JAK1: variants seen among roughly 807,000 people sequenced by gnomAD.
JAK1 encodes Janus kinase 1.
JAK1 carries 16 observed loss-of-function variants against 136.6 expected under a neutral mutation model. That is an observed-to-expected ratio of 0.12 (90% CI 0.08 to 0.18). JAK1 has a LOEUF of 0.18. Ranked by LOEUF, JAK1 falls within the 10% of genes least tolerant of loss-of-function variation. JAK1 has a pLI of 1.00. For synonymous variants in JAK1, 492 were observed against 519.5 expected (o/e 0.95, Z 0.72); for missense variants, 859 against 1,450.1 (o/e 0.59, Z 6.62).
At chr1:65,018,701 TAA>T (rs1646911763) in intron 2 of JAK1, among the ~76,000 whole-genome samples, 1 of 152,128 alleles carries the variant, frequency 6.6e-6, no homozygotes, top group Non-Finnish European at 1.5e-5. Context: ...ATGATTCTGC[TAA>T]GAGAGCATTT....
At chr1:65,021,940 G>T (rs573891295) in intron 2 of JAK1, among the ~76,000 whole-genome samples, 2 of 152,324 alleles carry the variant, frequency 1.3e-5, no homozygotes, top group South Asian at 4.2e-4. Context: ...TACTGGAGGA[G>T]TACAGCTGTG....
At position 64,844,981 on chromosome 1, in the gene JAK1, A is replaced by G. The variant is rs1655137154; in HGVS notation, c.2116-92T>C. On this transcript the variant is annotated intron_variant, in intron 15 of 24. Transcript: ENST00000342505. The surrounding 1 kb of genome is among the most constrained non-coding windows in gnomAD (Gnocchi z 5.7). ...CCTCAGGTCATCTCTTCCTACCCCC[A>G]GCTACAGCCAGATCTGGACAGCCTG... 2 of 1,539,658 alleles carry G rather than the reference A, an allele frequency of 1.3e-6. No individual in the cohort carries two copies. Among genetic ancestry groups the G allele is most frequent in the South Asian group, 2.4e-5 (2 of 83,836 alleles).
chr1:64,969,408 C>CG (rs1646430396), upstream of JAK1, among the ~76,000 whole-genome samples: 1 of 149,592 alleles, frequency 6.7e-6, no homozygotes, highest in Non-Finnish European at 1.5e-5. Flanking sequence ...ATCACACCCC[C>CG]CCGCAACTCC....
At chr1:64,838,619 G>A in intron 20 of JAK1, 30 bp from the exon 21 acceptor site, 1 of 1,609,046 alleles carries the variant, frequency 6.2e-7, no homozygotes, top group Non-Finnish European at 8.5e-7. Context: ...ATCAGTCTGA[G>A]GCTGCCAAAT....
chr1:64,923,988 A>G (rs922036355), intron 1 of JAK1, among the ~76,000 whole-genome samples: 1 of 152,252 alleles, frequency 6.6e-6, no homozygotes, highest in Non-Finnish European at 1.5e-5. Context: ...GTAAGAATAT[A>G]TATTTCAATA....
chr1:64,844,073 C>T lies in JAK1; in HGVS notation c.2394G>A (p.Thr798=), dbSNP rs200208839. The part of the protein sequence containing the change: ...YNGEIPLKDK[T]LIEKERFYES... The stretch of plus-strand genomic sequence containing the variant: ...GGAAACACCTGCTCACCTCAATCAG[C>T]GTCTTGTCTTTCAAGGGGATCTCGC... The change falls in exon 17 of 25, where the codon ACG becomes ACA. Residue 798 remains threonine, a synonymous_variant. Transcript: ENST00000342505. The surrounding 1 kb of genome is among the most constrained non-coding windows in gnomAD (Gnocchi z 5.7). 492 of 1,614,128 alleles carry T rather than the reference C, an allele frequency of 3.0e-4. No homozygotes were observed. Among genetic ancestry groups the T allele is most frequent in the Middle Eastern group, 1.3e-3 (8 of 5,998 alleles).
At chr1:65,013,425 G>A (rs887230609) in intron 2 of JAK1, among the ~76,000 whole-genome samples, 6 of 150,500 alleles carry the variant, frequency 4.0e-5, no homozygotes, top group African/African-American at 7.3e-5. Context: ...AACAAAAACC[G>A]AAACAAAAAA....
intron 1 of JAK1, among the ~76,000 whole-genome samples, chr1:64,913,045 G>T (rs6588104): frequency 0.81 from 122,478 of 152,078 alleles, 50,026 homozygotes; most frequent in Non-Finnish European, 0.88. Context: ...TTTGAGACAG[G>T]TCTCACTCTG....
intron 2 of JAK1, among the ~76,000 whole-genome samples, chr1:65,012,715 C>G (rs1230164842): frequency 6.6e-6 from 1 of 151,310 alleles, no homozygotes; most frequent in East Asian, 2.0e-4. Flanking sequence ...TCACTTGAAC[C>G]CAGGGGTTCA....
intron 1 of JAK1, among the ~76,000 whole-genome samples, chr1:64,965,374 C>T (rs1474133580): frequency 6.6e-6 from 1 of 152,174 alleles, no homozygotes; most frequent in African/African-American, 2.4e-5. Context: ...ACGGGGTCCC[C>T]TTCCCCAGGA....
rs2100991055 is a variant in JAK1, at chr1:64,844,324, G to A, written c.2252-109C>T. The A allele has an allele frequency of 1.4e-6, 2 of 1,441,086 alleles. No individual in the cohort carries two copies. Among genetic ancestry groups the A allele is most frequent in the Non-Finnish European group, 1.9e-6 (2 of 1,033,468 alleles). The allele number at this position is 1,441,086 out of a possible 1,614,324, so 89.3% of individuals were successfully genotyped here. A position where few individuals can be genotyped will look rare whatever the true frequency, so the allele number is the denominator to read the frequency against. Reference sequence around the variant, plus strand: ...GCCAATGAAGGAACTACTTCAAGCAGTGTGCCCAAACATGGCCCATGGCCA... The same window carrying A: ...GCCAATGAAGGAACTACTTCAAGCAATGTGCCCAAACATGGCCCATGGCCA... On this transcript the variant is annotated intron_variant, in intron 16 of 24. Coordinates refer to ENST00000342505, the MANE Select transcript of JAK1 (RefSeq NM_002227.4). This position sits in a 1 kb window ranked among gnomAD's most constrained non-coding sequence, Gnocchi z 5.7.
At chr1:64,994,975 A>C (rs906069194) in intron 2 of JAK1, 1 of 148,132 alleles carries the variant, frequency 6.8e-6, no homozygotes, top group Non-Finnish European at 1.5e-5. Context: ...AAAAAAAAAA[A>C]AAAAAACCTA....
At chr1:64,961,580 C>A (rs187487421) in intron 1 of JAK1, among the ~76,000 whole-genome samples, 24 of 152,266 alleles carry the variant, frequency 1.6e-4, no homozygotes, top group African/African-American at 5.5e-4. Context: ...CTACCTCCTT[C>A]CGCTCCCTCC....
intron 1 of JAK1, among the ~76,000 whole-genome samples, chr1:65,046,502 C>CAG (rs369524664): frequency 0.069 from 10,438 of 152,150 alleles, 655 homozygotes; most frequent in East Asian, 0.32. Flanking sequence ...CTCAGACCAA[C>CAG]GTTTGGAAGT....
chr1:64,946,833 G>A (rs1645996937), intron 1 of JAK1, among the ~76,000 whole-genome samples: 1 of 152,078 alleles, frequency 6.6e-6, no homozygotes, highest in South Asian at 2.1e-4. Context: ...CAACATAGAT[G>A]GATAAACAAA....
intron 1 of JAK1, among the ~76,000 whole-genome samples, chr1:64,892,656 G>C (rs1403258476): frequency 2.6e-5 from 4 of 152,144 alleles, no homozygotes; most frequent in Non-Finnish European, 5.9e-5. Flanking sequence ...ATAAAACCTT[G>C]CATTTATATA....
At chr1:64,982,769 CT>C (rs60484449) in intron 2 of JAK1, among the ~76,000 whole-genome samples, 28 of 151,392 alleles carry the variant, frequency 1.8e-4, no homozygotes, top group Non-Finnish European at 3.0e-4. Flanking sequence ...TATTTTCTGT[CT>C]TTTTTTTTCA....
intron 1 of JAK1, among the ~76,000 whole-genome samples, chr1:64,964,130 C>T (rs1646332476): frequency 6.6e-6 from 1 of 152,164 alleles, no homozygotes; most frequent in South Asian, 2.1e-4. Context: ...AGCGAGATTC[C>T]ATTAATAAGC....
rs370567499 is a variant in JAK1 at position 64,902,087 on chromosome 1, G to A, written c.-77-15746C>T. ...AAGAAGCCAAAATAATATTATCAGG[G>A]GTGTATTCTTTATCACAGTTTTCTA... On this transcript the variant is annotated intron_variant, in intron 1 of 24. Transcript: ENST00000342505. 2.3e-4 allele frequency among the ~76,000 whole-genome samples: 35 copies of A among 152,144 alleles called. 9 individuals are homozygous for A. Among genetic ancestry groups the A allele is most frequent in the Admixed American group, 3.9e-4 (6 of 15,280 alleles).
Sources: gnomAD v4.1 joint callset for allele counts (sites outside exome capture counted in the v4.1 genomes callset) on GRCh38, gnomAD v4.1.1 for gene constraint, Gnocchi (gnomAD v3.1) non-coding constraint, MANE v1.5 for transcripts, NCBI Gene and HGNC (gene_info 2026-07-23, HGNC 2026-07-21) for gene names.